CSMD1: variants seen among roughly 807,000 people sequenced by gnomAD.
CSMD1 encodes the protein CUB and Sushi multiple domains 1, also known as CUB and sushi domain-containing protein 1.
Under a neutral mutation model 417.5 loss-of-function variants are expected in CSMD1, and 213 were observed. That is an observed-to-expected ratio of 0.51 (90% CI 0.46 to 0.57). The LOEUF (loss-of-function observed/expected upper bound fraction) is 0.57, where lower values mean the gene tolerates loss of function less well. Ranked by LOEUF, CSMD1 falls within the 20% of genes least tolerant of loss-of-function variation. The pLI is 0.00. For synonymous variants in CSMD1, 2,862 were observed against 1,736.8 expected (o/e 1.65, Z -16.11); for missense variants, 6,923 against 4,529.7 (o/e 1.53, Z -15.17).
At chr8:4,827,819 T>G (rs185588076) in intron 1 of CSMD1, among the ~76,000 whole-genome samples, 1 of 152,210 alleles carries the variant, frequency 6.6e-6, no homozygotes, top group Non-Finnish European at 1.5e-5. Context: ...TTTACTGTAA[T>G]CTACAGGTAC....
At chr8:4,972,091 G>A (rs1810272180) in intron 1 of CSMD1, among the ~76,000 whole-genome samples, 2 of 152,110 alleles carry the variant, frequency 1.3e-5, no homozygotes, top group Non-Finnish European at 2.9e-5. Context: ...TTTCAAGTAT[G>A]TTCAAGCCTA....
At chr8:3,218,669 C>T (rs980147954) in intron 29 of CSMD1, among the ~76,000 whole-genome samples, 3 of 151,928 alleles carry the variant, frequency 2.0e-5, no homozygotes, top group African/African-American at 4.8e-5. Flanking sequence ...GTCAGGAGAT[C>T]GAGACCAGCC....
intron 1 of CSMD1, among the ~76,000 whole-genome samples, chr8:4,667,961 G>A (rs967230254): frequency 9.9e-5 from 15 of 152,114 alleles, no homozygotes; most frequent in African/African-American, 3.4e-4. Context: ...TCTTTTACCT[G>A]CCATTGCATT....
At chr8:3,400,753 A>G (rs538266444) in intron 15 of CSMD1, among the ~76,000 whole-genome samples, 7 of 151,736 alleles carry the variant, frequency 4.6e-5, no homozygotes, top group Non-Finnish European at 7.4e-5. Context: ...AATTAAAAAC[A>G]TGTTAATAAT....
In CSMD1 at chr8:4,366,886, T is replaced by C. The variant is rs138291433; in HGVS notation, c.415+53067A>G. Among the ~76,000 whole-genome samples the C allele has an allele frequency of 6.6e-3, 998 of 152,170 alleles. 6 individuals are homozygous for C. The highest frequency in any genetic ancestry group is 0.017 in the Middle Eastern group (5 of 294). ...CTGTTCATGTCCTTGCCCATTTTTT[T>C]AATAGGGTTGTTTTTCGTTTGCTGA... On this transcript the variant is annotated intron_variant, in intron 3 of 69. Transcript: ENST00000635120.
intron 10 of CSMD1, among the ~76,000 whole-genome samples, chr8:3,504,464 G>C (rs1425768974): frequency 6.6e-6 from 1 of 152,168 alleles, no homozygotes. Context: ...GCATCCAGCA[G>C]ACACTTGATC....
chr8:3,793,589 T>C (rs1467778763), intron 5 of CSMD1, among the ~76,000 whole-genome samples: 1 of 151,942 alleles, frequency 6.6e-6, no homozygotes, highest in East Asian at 1.9e-4. Context: ...CCCTAATACA[T>C]GCCTCTCTTG....
chr8:4,430,241 G>C (rs773997448), intron 2 of CSMD1, among the ~76,000 whole-genome samples: 2 of 152,064 alleles, frequency 1.3e-5, no homozygotes, highest in South Asian at 2.1e-4. Context: ...ATGAATACTG[G>C]GTCGGAGAAG....
chr8:4,891,125 G>T (rs1197393001), intron 1 of CSMD1, among the ~76,000 whole-genome samples: 6 of 152,162 alleles, frequency 3.9e-5, no homozygotes, highest in Non-Finnish European at 8.8e-5. Flanking sequence ...GAGAGCAGAG[G>T]CTGATGCCAC....
chr8:4,095,807 A>G (rs1421546161), intron 3 of CSMD1, among the ~76,000 whole-genome samples: 1 of 152,226 alleles, frequency 6.6e-6, no homozygotes, highest in Non-Finnish European at 1.5e-5. Flanking sequence ...ATTTGTATGC[A>G]TGTTTATTCA....
chr8:4,992,076 G>T (rs1327837708), intron 1 of CSMD1, among the ~76,000 whole-genome samples: 1 of 152,160 alleles, frequency 6.6e-6, no homozygotes, highest in African/African-American at 2.4e-5. Flanking sequence ...CTACAGCCAG[G>T]TTCTGGGACC....
At chr8:3,331,251 A>AAG in intron 23 of CSMD1, among the ~76,000 whole-genome samples, 1 of 152,060 alleles carries the variant, frequency 6.6e-6, no homozygotes, top group East Asian at 1.9e-4. Context: ...AAAAAAAAAA[A>AAG]AGAAAAGCAA....
At chr8:3,346,202 C>T (rs184802899) in intron 22 of CSMD1, among the ~76,000 whole-genome samples, 8 of 151,908 alleles carry the variant, frequency 5.3e-5, no homozygotes, top group East Asian at 3.9e-4. Context: ...GTGAGAAGCA[C>T]GTTTTTTTAA....
intron 7 of CSMD1, among the ~76,000 whole-genome samples, chr8:3,660,044 G>A (rs140415991): frequency 6.1e-4 from 93 of 152,304 alleles, no homozygotes; most frequent in East Asian, 1.4e-3. Context: ...TACTGTCCCT[G>A]TGTTCAGCAA....
intron 50 of CSMD1, among the ~76,000 whole-genome samples, chr8:3,052,239 T>C (rs1319394626): frequency 1.3e-5 from 2 of 152,228 alleles, no homozygotes; most frequent in Non-Finnish European, 2.9e-5. Flanking sequence ...CTATACTGTC[T>C]ATATTTAGGA....
intron 3 of CSMD1, among the ~76,000 whole-genome samples, chr8:4,049,049 C>T (rs1434845215): frequency 6.6e-6 from 1 of 152,190 alleles, no homozygotes; most frequent in African/African-American, 2.4e-5. Flanking sequence ...CTCAACAACT[C>T]TCAAAACAGT....
chr8:4,035,476 G>C (rs1274757200), intron 3 of CSMD1, among the ~76,000 whole-genome samples: 1 of 142,500 alleles, frequency 7.0e-6, no homozygotes, highest in African/African-American at 3.0e-5. Context: ...ATTATCCTAG[G>C]AGATGAAAGC....
At chr8:3,529,475 A>G (rs1369828813) in intron 10 of CSMD1, among the ~76,000 whole-genome samples, 1 of 152,196 alleles carries the variant, frequency 6.6e-6, no homozygotes, top group East Asian at 1.9e-4. Context: ...GGTTAAAGGA[A>G]GAAATTGGGA....
At chr8:4,522,235 T>C (rs1305482982) in intron 2 of CSMD1, among the ~76,000 whole-genome samples, 3 of 152,128 alleles carry the variant, frequency 2.0e-5, no homozygotes, top group African/African-American at 4.8e-5. Context: ...AAATTCTCTC[T>C]CTTTGCCTGC....
Sources: gnomAD v4.1 joint callset for allele counts (sites outside exome capture counted in the v4.1 genomes callset) on GRCh38, gnomAD v4.1.1 for gene constraint, MANE v1.5 for transcripts, NCBI Gene and HGNC (gene_info 2026-07-23, HGNC 2026-07-21) for gene names.